Variants in SQSTM1 observed in about 807,000 individuals in gnomAD.
SQSTM1 encodes sequestosome 1.
In SQSTM1, 36 loss-of-function variants were observed where a neutral mutation model predicts 45.1. The ratio of observed to expected loss-of-function variants is 0.80; its 90% CI spans 0.61 to 1.05. The LOEUF is 1.05. Ranked by LOEUF, SQSTM1 falls within the 50% of genes least tolerant of loss-of-function variation. SQSTM1 has a pLI of 0.00. For synonymous variants in SQSTM1, 290 were observed against 244.3 expected, an observed-to-expected ratio of 1.19 and a Z score of -1.74; for missense variants, 617 against 607.1, an observed-to-expected ratio of 1.02 and a Z score of -0.17.
At chr5:179,832,862 A>C (rs886903154) in intron 5 of SQSTM1, among the ~76,000 whole-genome samples, 170 bp from the exon 6 acceptor site, 2 of 152,038 alleles carry the variant, frequency 1.3e-5, no homozygotes, top group African/African-American at 4.8e-5. Flanking sequence ...GCTGGGTAGA[A>C]CCTAGCACCT....
Position 179,829,374 on chromosome 5 carries a change from G to A in SQSTM1, c.755-3658G>A, listed in dbSNP as rs535068546. Reference sequence around the variant, plus strand: ...CTGCAGAGGGAAAGTTAGTGATGGCGCTGGCCCCACAGAAGGCTTCCTGTC... The same window carrying A: ...CTGCAGAGGGAAAGTTAGTGATGGCACTGGCCCCACAGAAGGCTTCCTGTC... On this transcript the variant is annotated intron_variant, in intron 5 of 7. Coordinates refer to ENST00000389805, the MANE Select transcript of SQSTM1 (RefSeq NM_003900.5). Among the ~76,000 whole-genome samples the A allele has an allele frequency of 2.6e-4, 40 of 152,284 alleles. 1 individual carries two copies. The highest frequency in any genetic ancestry group is 2.0e-3 in the Admixed American group (31 of 15,288).
chr5:179,823,758 G>C (rs1323685195), intron 2 of SQSTM1, 100 bp from the exon 3 acceptor site: 1 of 1,319,926 alleles, frequency 7.6e-7, no homozygotes, highest in African/African-American at 1.4e-5. Context: ...CTGGAGAGCA[G>C]GGCCGGGGGC....
At position 179,820,982 on chromosome 5, in the gene SQSTM1, G is replaced by T. The variant is rs773552098; in HGVS notation, c.46G>T (p.Ala16Ser). The part of the protein sequence containing the change: ...VKAYLLGKED[A>S]AREIRRFSFC... ...GGCCTACCTTCTGGGCAAGGAGGAC[G>T]CGGCGCGCGAGATTCGCCGCTTCAG... The change falls in exon 1 of 8, where the codon GCG becomes TCG. Residue 16 changes from alanine (A) to serine (S), a missense_variant. Physicochemically the swap from Ala to Ser is moderately conservative, Grantham distance 99 (BLOSUM62 1). Coordinates refer to ENST00000389805, the MANE Select transcript of SQSTM1 (RefSeq NM_003900.5). 3 of 1,574,866 alleles carry T rather than the reference G, an allele frequency of 1.9e-6. No individual in the cohort carries two copies. The South Asian group carries it at 3.4e-5, about 18-fold the overall frequency.
chr5:179,835,291 G>A (rs11953046), intron 7 of SQSTM1: 11,947 of 175,974 alleles, frequency 0.068, 850 homozygotes, highest in African/African-American at 0.19. Context: ...GGTGGCGGCC[G>A]GGCAGAGGCT....
chr5:179,820,869 G>A (rs1185119228), upstream of SQSTM1: 2 of 1,362,128 alleles, frequency 1.5e-6, no homozygotes, highest in African/African-American at 1.5e-5. Flanking sequence ...GGGCCTCCGC[G>A]TTCGCTACAA....
chr5:179,835,225 C>T, intron 7 of SQSTM1: 1 of 185,630 alleles, frequency 5.4e-6, no homozygotes, highest in Non-Finnish European at 1.2e-5. Context: ...CAGAGGGGCT[C>T]CTCACATTCC....
chr5:179,810,727 C>T (rs1164417583), intron 1 of SQSTM1, among the ~76,000 whole-genome samples: 2 of 152,214 alleles, frequency 1.3e-5, no homozygotes, highest in Non-Finnish European at 2.9e-5. Context: ...TTTACAGTCC[C>T]ACCAACAGTG....
In SQSTM1 at chr5:179,835,491, C is replaced by T. The variant is rs547084462; in HGVS notation, c.1166-945C>T. 386 of 157,616 alleles carry T rather than the reference C, an allele frequency of 2.4e-3. 4 individuals carry two copies. The highest frequency in any genetic ancestry group is 3.7e-3 in the Non-Finnish European group (266 of 71,362). The allele number at this position is 157,616 out of a possible 1,614,324, so 9.8% of individuals were successfully genotyped here. A position where few individuals can be genotyped will look rare whatever the true frequency, so the allele number is the denominator to read the frequency against. ...TCGTGGTTAGGAGCTGGAGACCAGC[C>T]CGGCCAACACAGCGAAACCCCGTCT... On this transcript the variant is annotated intron_variant, in intron 7 of 7. Transcript: ENST00000389805.
At chr5:179,819,215 TG>T (rs1467620923), upstream of SQSTM1, among the ~76,000 whole-genome samples, 3 of 151,910 alleles carry the variant, frequency 2.0e-5, no homozygotes, top group Non-Finnish European at 4.4e-5. Context: ...CGGCCTCGCG[TG>T]GGGGCAGGGC....
intron 5 of SQSTM1, among the ~76,000 whole-genome samples, chr5:179,825,736 T>C (rs1757961757): frequency 6.6e-6 from 1 of 152,198 alleles, no homozygotes; most frequent in African/African-American, 2.4e-5. Flanking sequence ...TGACACCCGG[T>C]TCTGGTGCCT....
upstream of SQSTM1, chr5:179,818,793 A>C (rs1309076957): frequency 6.6e-6 from 1 of 152,346 alleles, no homozygotes; most frequent in Non-Finnish European, 1.5e-5. Context: ...AGGAAATGAG[A>C]GGCTGGTCCA....
At chr5:179,819,283 C>T (rs143952480), upstream of SQSTM1, among the ~76,000 whole-genome samples, 1,049 of 152,248 alleles carry the variant, frequency 6.9e-3, 10 homozygotes, top group African/African-American at 0.024. Flanking sequence ...TCCACCCCAG[C>T]TTCCCAAAGA....
chr5:179,814,083 C>T (rs936104800), upstream of SQSTM1, among the ~76,000 whole-genome samples: 1 of 152,176 alleles, frequency 6.6e-6, no homozygotes, highest in African/African-American at 2.4e-5. Flanking sequence ...ATCCTCTGAC[C>T]ATAAGAGTTC....
upstream of SQSTM1, among the ~76,000 whole-genome samples, chr5:179,814,431 AT>A (rs1757520158): frequency 2.0e-5 from 3 of 152,156 alleles, no homozygotes; most frequent in South Asian, 6.2e-4. Flanking sequence ...AGTCCCTTCT[AT>A]GCCTGTGGGG....
chr5:179,822,604 A>G, intron 1 of SQSTM1: 1 of 355,400 alleles, frequency 2.8e-6, no homozygotes, highest in Non-Finnish European at 5.5e-6. Context: ...GATCTCCCAC[A>G]GTTGAAGACG....
At position 179,838,073 on chromosome 5, in the gene SQSTM1, C is replaced by T. The variant is rs886060510; in HGVS notation, c.*1480C>T. 23 of 604,564 alleles carry T rather than the reference C, an allele frequency of 3.8e-5. No homozygotes were observed. The highest frequency in any genetic ancestry group is 5.8e-5 in the Non-Finnish European group (20 of 343,164). The allele number at this position is 604,564 out of a possible 1,614,324, so 37.4% of individuals were successfully genotyped here. A position where few individuals can be genotyped will look rare whatever the true frequency, so the allele number is the denominator to read the frequency against. On this transcript the variant is annotated 3_prime_UTR_variant, in exon 8 of 8. Coordinates refer to ENST00000389805, the MANE Select transcript of SQSTM1 (RefSeq NM_003900.5). ...AGCAAATAAATGCCTTCCACCTCAC[C>T]GCAAACCTTCTGCTAAATTGCATGA...
At chr5:179,833,369 C>T (rs2113511626) in intron 6 of SQSTM1, 123 bp downstream of exon 6, 1 of 1,072,836 alleles carries the variant, frequency 9.3e-7, no homozygotes, top group East Asian at 2.6e-5. Flanking sequence ...GCTGCTGCTG[C>T]TGCAGTGATG....
rs57483633 is a variant in SQSTM1 at position 179,828,369 on chromosome 5, C to CTTTT, written c.754+3161_754+3164dup. ...TGTTTCAACCTTTTTTTTTTCTTAT[C>CTTTT]TTTTTTTTTTTTTTTTTTTTTGAGA... On this transcript the variant is annotated intron_variant, in intron 5 of 7. Coordinates refer to ENST00000389805, the MANE Select transcript of SQSTM1 (RefSeq NM_003900.5). 8.0e-3 allele frequency among the ~76,000 whole-genome samples: 786 copies of CTTTT among 98,192 alleles called. 18 individuals are homozygous for CTTTT. The highest frequency in any genetic ancestry group is 0.029 in the African/African-American group (731 of 24,972). 64.4% of individuals were successfully genotyped at this position (98,192 alleles called of 152,430 possible). A position where few individuals can be genotyped will look rare whatever the true frequency, so the allele number is the denominator to read the frequency against.
chr5:179,814,689 C>T (rs1242737162), upstream of SQSTM1, among the ~76,000 whole-genome samples: 1 of 152,218 alleles, frequency 6.6e-6, no homozygotes, highest in African/African-American at 2.4e-5. Flanking sequence ...TGATATATGG[C>T]TCTTCTGGCT....
Sources: gnomAD v4.1 joint callset for allele counts (sites outside exome capture counted in the v4.1 genomes callset) on GRCh38, gnomAD v4.1.1 for gene constraint, MANE v1.5 for transcripts, NCBI Gene and HGNC (gene_info 2026-07-23, HGNC 2026-07-21) for gene names.